The following GALNT13 variants were observed in gnomAD, a reference collection of about 807,000 sequenced individuals.
GALNT13 encodes the protein UDP-GalNAc:polypeptide N-acetylgalactosaminyltransferase 13.
Under a neutral mutation model 64.2 loss-of-function variants are expected in GALNT13, and 28 were observed. The observed-to-expected ratio is 0.44, with a 90% CI of 0.32 to 0.60. The LOEUF is 0.60. GALNT13 is among the 20% of genes least tolerant of loss of function. The pLI is 0.05. For missense variants in GALNT13, 577 were observed against 669.8 expected (o/e 0.86, Z 1.53); for synonymous variants, 214 against 224.6 (o/e 0.95, Z 0.42).
chr2:153,975,979 C>T (rs1431919827), intron 3 of GALNT13, among the ~76,000 whole-genome samples: 5 of 152,028 alleles, frequency 3.3e-5, no homozygotes, highest in African/African-American at 1.2e-4. Context: ...TTCAATAAAG[C>T]TGGGGGAAAA....
chr2:153,550,924 C>A, the GALNT13 span, among the ~76,000 whole-genome samples: 1 of 152,022 alleles, frequency 6.6e-6, no homozygotes, highest in Non-Finnish European at 1.5e-5. Context: ...CAATAAAAAA[C>A]TATAGATTAT....
chr2:154,100,564 A>G (rs73003237), intron 3 of GALNT13, among the ~76,000 whole-genome samples: 1,870 of 152,204 alleles, frequency 0.012, 42 homozygotes, highest in African/African-American at 0.042. Flanking sequence ...TTGTACCCTG[A>G]AACTTTACTG....
intron 3 of GALNT13, among the ~76,000 whole-genome samples, chr2:154,124,937 T>C (rs992842181): frequency 1.3e-5 from 2 of 152,108 alleles, no homozygotes; most frequent in African/African-American, 4.8e-5. Flanking sequence ...TCTGGAGAGA[T>C]TTTGAACATT....
the GALNT13 span, among the ~76,000 whole-genome samples, chr2:153,238,447 G>A: frequency 6.6e-6 from 1 of 151,976 alleles, no homozygotes; most frequent in Admixed American, 6.6e-5. Flanking sequence ...TTTTCTCTAT[G>A]AGTTTTACAG....
At chr2:153,829,027 C>G in the GALNT13 span, among the ~76,000 whole-genome samples, 3 of 152,178 alleles carry the variant, frequency 2.0e-5, no homozygotes, top group African/African-American at 2.4e-5. Flanking sequence ...ACAAGTTCCT[C>G]ATCTCCATCT....
the GALNT13 span, among the ~76,000 whole-genome samples, chr2:153,683,230 C>T: frequency 7.3e-5 from 11 of 151,654 alleles, no homozygotes; most frequent in Non-Finnish European, 1.5e-4. Context: ...AGTGATTTAA[C>T]TCTCATCCTT....
chr2:154,006,000 A>T (rs1420889020), intron 3 of GALNT13, among the ~76,000 whole-genome samples: 1 of 152,132 alleles, frequency 6.6e-6, no homozygotes, highest in Admixed American at 6.6e-5. Context: ...AATGTTTAAA[A>T]CTTTGAGGAA....
chr2:154,439,936 T>A (rs1363642775), intron 12 of GALNT13, among the ~76,000 whole-genome samples: 1 of 152,154 alleles, frequency 6.6e-6, no homozygotes, highest in African/African-American at 2.4e-5. Context: ...ACTCACCTTG[T>A]CTGACCACCA....
chr2:154,438,431 GA>G (rs1405190188), intron 11 of GALNT13, among the ~76,000 whole-genome samples, 160 bp from the exon 12 acceptor site: 1 of 152,100 alleles, frequency 6.6e-6, no homozygotes, highest in Non-Finnish European at 1.5e-5. Context: ...TGCAGTTGAG[GA>G]AAAAGACTCA....
the GALNT13 span, among the ~76,000 whole-genome samples, chr2:153,529,441 G>C: frequency 1.3e-5 from 2 of 151,770 alleles, no homozygotes; most frequent in Non-Finnish European, 2.9e-5. Context: ...GGAAAGAAAA[G>C]CTCAGCAACT....
At chr2:153,828,578 C>A in the GALNT13 span, among the ~76,000 whole-genome samples, 2 of 152,258 alleles carry the variant, frequency 1.3e-5, no homozygotes, top group East Asian at 1.9e-4. Flanking sequence ...AGCATGGAGA[C>A]CTTGAACCTG....
chr2:153,417,718 TC>T, the GALNT13 span, among the ~76,000 whole-genome samples: 4 of 152,162 alleles, frequency 2.6e-5, no homozygotes, highest in Admixed American at 6.6e-5. Flanking sequence ...AATGAGAAGT[TC>T]CACTTGGAGT....
chr2:153,676,349 C>A, the GALNT13 span, among the ~76,000 whole-genome samples: 1 of 151,922 alleles, frequency 6.6e-6, no homozygotes, highest in African/African-American at 2.4e-5. Context: ...CAATAATGAG[C>A]TCCAAAATTG....
intron 10 of GALNT13, among the ~76,000 whole-genome samples, chr2:154,404,120 G>A (rs1278107746): frequency 1.3e-5 from 2 of 152,070 alleles, no homozygotes; most frequent in South Asian, 2.1e-4. Context: ...AGCCAGACTT[G>A]ACTTCAGTTC....
At chr2:153,750,234 T>C in the GALNT13 span, among the ~76,000 whole-genome samples, 1 of 151,958 alleles carries the variant, frequency 6.6e-6, no homozygotes, top group Non-Finnish European at 1.5e-5. Flanking sequence ...TGCTAGTGTT[T>C]TCTTGAGGAC....
the GALNT13 span, among the ~76,000 whole-genome samples, chr2:153,541,346 A>G: frequency 2.6e-5 from 4 of 152,144 alleles, no homozygotes; most frequent in Non-Finnish European, 5.9e-5. Context: ...CTGTGAGTCA[A>G]TCAAATCTCT....
At chr2:153,154,916 A>G in the GALNT13 span, among the ~76,000 whole-genome samples, 20 of 152,098 alleles carry the variant, frequency 1.3e-4, no homozygotes, top group Admixed American at 4.6e-4. Flanking sequence ...TACCTAGCTT[A>G]TTGAGAGTTT....
chr2:153,091,234 C>G, the GALNT13 span, among the ~76,000 whole-genome samples: 2 of 152,048 alleles, frequency 1.3e-5, no homozygotes, highest in African/African-American at 4.8e-5. Flanking sequence ...CCCAAGAACC[C>G]CTGTGAGATA....
the GALNT13 span, among the ~76,000 whole-genome samples, chr2:153,316,771 T>A: frequency 6.6e-6 from 1 of 151,864 alleles, no homozygotes; most frequent in African/African-American, 2.4e-5. Context: ...TACTGCTCAG[T>A]GTGAAGAAGA....
Sources: gnomAD v4.1 joint callset for allele counts (sites outside exome capture counted in the v4.1 genomes callset) on GRCh38, gnomAD v4.1.1 for gene constraint, MANE v1.5 for transcripts, NCBI Gene and HGNC (gene_info 2026-07-23, HGNC 2026-07-21) for gene names.